The following ATP2B2 variants were observed in gnomAD, a reference collection of about 807,000 sequenced individuals.
The protein encoded by ATP2B2 is ATPase plasma membrane Ca2+ transporting 2.
Under a neutral mutation model 120.0 loss-of-function variants are expected in ATP2B2, and 15 were observed. That is an observed-to-expected ratio of 0.12 (90% confidence interval 0.08 to 0.19). The LOEUF (loss-of-function observed/expected upper bound fraction) is 0.19. ATP2B2 is among the 10% of genes least tolerant of loss of function. The pLI is 1.00. For missense variants in ATP2B2, 1,045 were observed against 1,719.8 expected (o/e 0.61, Z 6.94); for synonymous variants, 694 against 700.3 (o/e 0.99, Z 0.14).
At chr3:10,332,466 G>C (rs1256896613) in intron 22 of ATP2B2, 1 of 182,560 alleles carries the variant, frequency 5.5e-6, no homozygotes, top group Admixed American at 5.3e-5. Context: ...GAGGCTGTGC[G>C]GCTTTGCCTT....
intron 2 of ATP2B2, among the ~76,000 whole-genome samples, chr3:10,590,808 CT>C (rs1297547810): frequency 2.0e-5 from 3 of 152,144 alleles, no homozygotes; most frequent in African/African-American, 7.2e-5. Context: ...GTGCATGTGC[CT>C]TCAAGACTTG....
intron 1 of ATP2B2, among the ~76,000 whole-genome samples, chr3:10,656,800 A>C (rs770991730): frequency 1.3e-5 from 2 of 152,238 alleles, no homozygotes; most frequent in Admixed American, 6.5e-5. Context: ...CATGGCATAA[A>C]CTGAGACCTC....
In ATP2B2 at chr3:10,329,558, A is replaced by T. The variant is rs1228728706; in HGVS notation, c.3421-433T>A. On this transcript the variant is annotated intron_variant, in intron 22 of 22. Coordinates refer to ENST00000360273, the MANE Select transcript of ATP2B2 (RefSeq NM_001001331.4). The surrounding 1 kb of genome is among the most constrained non-coding windows in gnomAD (Gnocchi z 5.9). ...GGAAAGAGGAGAGGCTATTAAAAAAATTCATCTTAGGAAAACCACACACAG... is the reference window on the plus strand; with the variant it reads ...GGAAAGAGGAGAGGCTATTAAAAAATTTCATCTTAGGAAAACCACACACAG... 2.6e-5 allele frequency among the ~76,000 whole-genome samples: 4 copies of T among 152,140 alleles called. No homozygotes were observed. Among genetic ancestry groups the T allele is most frequent in the Non-Finnish European group, 5.9e-5 (4 of 68,038 alleles).
intron 2 of ATP2B2, among the ~76,000 whole-genome samples, chr3:10,603,091 G>A (rs563807331): frequency 6.6e-6 from 1 of 152,344 alleles, no homozygotes; most frequent in Admixed American, 6.5e-5. Flanking sequence ...GATGAGGTGT[G>A]TCAGGAAGAA....
At chr3:10,683,760 GTATATATATA>G (rs71055831) in intron 1 of ATP2B2, among the ~76,000 whole-genome samples, 944 of 53,902 alleles carry the variant, frequency 0.018, 48 homozygotes, top group African/African-American at 0.022. Flanking sequence ...GTGTGTGTGT[GTATATATATA>G]TATATATATA....
At chr3:10,545,227 C>T (rs1240253747) in intron 2 of ATP2B2, among the ~76,000 whole-genome samples, 2 of 152,194 alleles carry the variant, frequency 1.3e-5, no homozygotes, top group Non-Finnish European at 2.9e-5. Context: ...CATACACACA[C>T]ATGAAAGAAA....
chr3:10,413,902 G>A (rs2062696390), intron 2 of ATP2B2, among the ~76,000 whole-genome samples: 1 of 152,200 alleles, frequency 6.6e-6, no homozygotes, highest in Non-Finnish European at 1.5e-5. Context: ...AGAGGGCCGT[G>A]GGCCTCTGAG....
intron 1 of ATP2B2, among the ~76,000 whole-genome samples, chr3:10,451,719 C>T (rs556955724): frequency 3.3e-5 from 5 of 152,292 alleles, no homozygotes; most frequent in Non-Finnish European, 7.3e-5. Context: ...AAACTGCACG[C>T]TTGGTGCTCC....
At position 10,627,412 on chromosome 3, in the gene ATP2B2, T is replaced by C. The variant is rs560789561; in HGVS notation, c.-459-7451A>G. On this transcript the variant is annotated intron_variant, in intron 1 of 21. Transcript: ENST00000646379. ...CCTCCCTTCATATATAAAACTGTAA[T>C]ATGGAGGCCTGGACAAACAAAGATG... Among the ~76,000 whole-genome samples, 62 of 152,016 alleles carry C rather than the reference T, an allele frequency of 4.1e-4. 1 individual carries two copies. Among genetic ancestry groups the C allele is most frequent in the Non-Finnish European group, 5.9e-4 (40 of 67,990 alleles).
intron 3 of ATP2B2, among the ~76,000 whole-genome samples, chr3:10,513,945 AG>A (rs2066827149): frequency 6.6e-6 from 1 of 152,134 alleles, no homozygotes; most frequent in Non-Finnish European, 1.5e-5. Context: ...GAGACGGAAG[AG>A]GGGACACGCC....
intron 2 of ATP2B2, among the ~76,000 whole-genome samples, chr3:10,559,253 G>C (rs1318344488): frequency 6.6e-6 from 1 of 152,212 alleles, no homozygotes; most frequent in Non-Finnish European, 1.5e-5. Context: ...GCTGGGAAAT[G>C]TAGTGGGCGG....
rs183391760 is a variant in ATP2B2 at position 10,638,921 on chromosome 3, T to C, written c.-459-18960A>G. Among the ~76,000 whole-genome samples, 17 of 152,320 alleles carry C rather than the reference T, an allele frequency of 1.1e-4. 1 individual carries two copies. The highest frequency in any genetic ancestry group is 3.6e-4 in the African/African-American group (15 of 41,570). On this transcript the variant is annotated intron_variant, in intron 1 of 21. Transcript: ENST00000646379. ...AAGTGGAGATAGCAATCCTAAATGA[T>C]TAAGCATCTAATAAGGCAGCTTAAA...
At chr3:10,639,460 T>C (rs2070111715) in intron 1 of ATP2B2, among the ~76,000 whole-genome samples, 1 of 152,190 alleles carries the variant, frequency 6.6e-6, no homozygotes, top group Non-Finnish European at 1.5e-5. Context: ...TATCCTCAAA[T>C]GGTGGGAGAG....
intron 1 of ATP2B2, among the ~76,000 whole-genome samples, chr3:10,682,943 A>T (rs570443311): frequency 6.6e-6 from 1 of 152,208 alleles, no homozygotes; most frequent in East Asian, 1.9e-4. Flanking sequence ...GTGTGCACAC[A>T]CTCCTGCAAA....
At chr3:10,501,247 C>T (rs2066375767) in intron 1 of ATP2B2, among the ~76,000 whole-genome samples, 1 of 152,220 alleles carries the variant, frequency 6.6e-6, no homozygotes, top group Non-Finnish European at 1.5e-5. Context: ...TACCGTCACT[C>T]CCGCTTCCCC....
At position 10,403,325 on chromosome 3, in the gene ATP2B2, A is replaced by G. The variant is rs1575130681; in HGVS notation, c.398-977T>C. On this transcript the variant is annotated intron_variant, in intron 3 of 22. Coordinates refer to ENST00000360273, the MANE Select transcript of ATP2B2 (RefSeq NM_001001331.4). Reference sequence around the variant, plus strand: ...CAGGCCGCTTGTCTGACTTACAGTGACCCTGCATCCCAACCGTTGCACCAC... The same window carrying G: ...CAGGCCGCTTGTCTGACTTACAGTGGCCCTGCATCCCAACCGTTGCACCAC... 2.0e-5 allele frequency among the ~76,000 whole-genome samples: 3 copies of G among 152,258 alleles called. No homozygotes were observed. The South Asian group carries it at 6.2e-4, about 32-fold the overall frequency.
upstream of ATP2B2, among the ~76,000 whole-genome samples, chr3:10,506,842 C>T (rs1000488625): frequency 2.0e-5 from 3 of 152,232 alleles, no homozygotes; most frequent in South Asian, 2.1e-4. Context: ...GCTGCCCGCC[C>T]GAGCGTCCCG....
At chr3:10,430,853 C>A (rs2063293573) in intron 2 of ATP2B2, among the ~76,000 whole-genome samples, 2 of 151,330 alleles carry the variant, frequency 1.3e-5, no homozygotes, top group African/African-American at 4.8e-5. Flanking sequence ...TCTGTGACCC[C>A]TTTTCTTTAC....
intron 1 of ATP2B2, among the ~76,000 whole-genome samples, chr3:10,685,244 G>A (rs892229489): frequency 7.2e-5 from 11 of 152,188 alleles, no homozygotes; most frequent in African/African-American, 1.7e-4. Flanking sequence ...GGTATCTAAC[G>A]GCAGGAATAA....
Sources: allele counts gnomAD v4.1 joint callset (sites outside exome capture counted in the v4.1 genomes callset), GRCh38; gene constraint gnomAD v4.1.1; non-coding constraint Gnocchi (gnomAD v3.1); transcripts MANE v1.5; gene names NCBI Gene and HGNC (gene_info 2026-07-23, HGNC 2026-07-21).